WWOX: variants seen among roughly 807,000 people sequenced by gnomAD.
WWOX encodes the protein WW domain containing oxidoreductase.
In WWOX, 69 loss-of-function variants were observed where a neutral mutation model predicts 46.2. The ratio of observed to expected loss-of-function variants is 1.49; its 90% CI spans 1.23 to 1.82. WWOX has a LOEUF of 1.82. Among genes scored for constraint, WWOX ranks in the 40% most tolerant of loss-of-function variants. The pLI, the probability that WWOX is intolerant of heterozygous loss-of-function variation, is 0.00. For synonymous variants in WWOX, 359 were observed against 202.6 expected (o/e 1.77, Z -6.56); for missense variants, 919 against 542.6 (o/e 1.69, Z -6.89).
chr16:78,361,365 A>C (rs1363511503), intron 5 of WWOX, among the ~76,000 whole-genome samples: 1 of 152,142 alleles, frequency 6.6e-6, no homozygotes, highest in Non-Finnish European at 1.5e-5. Flanking sequence ...GAGTTTTTCC[A>C]ATGTAATGTT....
chr16:78,695,664 C>G lies in WWOX; in HGVS notation c.1056+262912C>G, dbSNP rs140506967. Among the ~76,000 whole-genome samples, 610 of 152,218 alleles carry G rather than the reference C, an allele frequency of 4.0e-3. 2 individuals carry two copies. The highest frequency in any genetic ancestry group is 0.014 in the African/African-American group (581 of 41,528). Reference sequence around the variant, plus strand: ...ACAGCTGGAAATAAAACTGTGTATTCCAAATCAGAGGGGCAATGCAGGAAT... The same window carrying G: ...ACAGCTGGAAATAAAACTGTGTATTGCAAATCAGAGGGGCAATGCAGGAAT... On this transcript the variant is annotated intron_variant, in intron 8 of 8. Transcript: ENST00000566780.
intron 8 of WWOX, among the ~76,000 whole-genome samples, chr16:78,862,138 A>G (rs994080544): frequency 7.2e-5 from 11 of 151,804 alleles, no homozygotes; most frequent in African/African-American, 1.2e-4. Flanking sequence ...ATCTATATCT[A>G]TACACACCTA....
intron 8 of WWOX, among the ~76,000 whole-genome samples, chr16:78,894,020 T>TTTATTATTA (rs6145911): frequency 0.061 from 8,481 of 139,922 alleles, 362 homozygotes; most frequent in African/African-American, 0.11. Context: ...TATTGAGGCT[T>TTTATTATTA]TTATTATTAT....
At chr16:79,108,340 C>T (rs547299354) in intron 8 of WWOX, among the ~76,000 whole-genome samples, 1 of 152,222 alleles carries the variant, frequency 6.6e-6, no homozygotes, top group African/African-American at 2.4e-5. Context: ...TTCTAAATAG[C>T]TGAGCTGCGT....
chr16:78,209,342 G>A (rs2036486993), intron 5 of WWOX, among the ~76,000 whole-genome samples: 1 of 152,178 alleles, frequency 6.6e-6, no homozygotes, highest in Admixed American at 6.6e-5. Context: ...TATCCACTTC[G>A]GGAGAGAGAG....
At chr16:78,386,611 A>C (rs1357477180) in intron 5 of WWOX, among the ~76,000 whole-genome samples, 1 of 151,468 alleles carries the variant, frequency 6.6e-6, no homozygotes, top group Non-Finnish European at 1.5e-5. Context: ...CGGCTGAAAC[A>C]CAGCACAACC....
intron 8 of WWOX, among the ~76,000 whole-genome samples, chr16:79,011,738 C>G (rs761514013): frequency 6.4e-4 from 98 of 152,054 alleles, no homozygotes; most frequent in Non-Finnish European, 1.2e-3. Context: ...AGCTATTCAC[C>G]TGCTTTGGCC....
At chr16:78,730,762 G>T (rs145628130) in intron 8 of WWOX, among the ~76,000 whole-genome samples, 1 of 151,744 alleles carries the variant, frequency 6.6e-6, no homozygotes, top group East Asian at 2.0e-4. Flanking sequence ...CCCAGCCTCA[G>T]GAGAAATAAA....
intron 8 of WWOX, among the ~76,000 whole-genome samples, chr16:78,434,708 C>T (rs1389558510): frequency 6.6e-6 from 1 of 152,134 alleles, no homozygotes; most frequent in Non-Finnish European, 1.5e-5. Context: ...CATAAGGTCC[C>T]TAATCAGAGG....
intron 8 of WWOX, among the ~76,000 whole-genome samples, chr16:78,929,160 G>A (rs1337836008): frequency 1.3e-5 from 2 of 152,078 alleles, no homozygotes; most frequent in African/African-American, 4.8e-5. Context: ...ACACGGTTTG[G>A]GGGTGATTTT....
chr16:79,173,136 C>A (rs892199642), intron 8 of WWOX, among the ~76,000 whole-genome samples: 1 of 152,222 alleles, frequency 6.6e-6, no homozygotes, highest in Non-Finnish European at 1.5e-5. Context: ...ACATTTGACA[C>A]ACATGTGTGC....
chr16:78,493,233 C>T (rs1445560258), intron 8 of WWOX, among the ~76,000 whole-genome samples: 2 of 152,156 alleles, frequency 1.3e-5, no homozygotes, highest in Non-Finnish European at 2.9e-5. Context: ...CTGACACTCA[C>T]TCTTTAACCA....
intron 8 of WWOX, among the ~76,000 whole-genome samples, chr16:78,583,085 G>C (rs1407813553): frequency 6.6e-6 from 1 of 152,240 alleles, no homozygotes; most frequent in Non-Finnish European, 1.5e-5. Flanking sequence ...AGCTCTTGAA[G>C]AAGATGGGAG....
intron 8 of WWOX, among the ~76,000 whole-genome samples, chr16:79,174,889 A>G (rs528890645): frequency 6.6e-6 from 1 of 152,344 alleles, no homozygotes; most frequent in East Asian, 1.9e-4. Flanking sequence ...GCCATCTTGC[A>G]TAAATGGTTG....
chr16:78,370,808 A>G (rs1297363386), intron 5 of WWOX, among the ~76,000 whole-genome samples: 1 of 122,736 alleles, frequency 8.1e-6, no homozygotes. Context: ...GGGGCAATGC[A>G]TTCTTAACCC....
intron 5 of WWOX, among the ~76,000 whole-genome samples, chr16:78,322,771 A>C (rs563484712): frequency 1.3e-5 from 2 of 152,244 alleles, no homozygotes; most frequent in Admixed American, 6.5e-5. Flanking sequence ...GTCTTTTGCA[A>C]CTGTTCCACT....
chr16:78,361,771 C>T (rs942510839), intron 5 of WWOX, among the ~76,000 whole-genome samples: 3 of 151,970 alleles, frequency 2.0e-5, no homozygotes, highest in African/African-American at 4.8e-5. Context: ...GCCACCATGC[C>T]CAGCTAATTT....
intron 5 of WWOX, among the ~76,000 whole-genome samples, chr16:78,376,250 A>ATG (rs113925935): frequency 0.098 from 14,932 of 152,248 alleles, 843 homozygotes; most frequent in African/African-American, 0.15. Flanking sequence ...CGCTTAGAGA[A>ATG]TGTAAGTAAA....
chr16:79,060,066 T>C (rs1178704019), intron 8 of WWOX, among the ~76,000 whole-genome samples: 1 of 152,200 alleles, frequency 6.6e-6, no homozygotes, highest in Non-Finnish European at 1.5e-5. Flanking sequence ...TCAAACTGGT[T>C]ATATTTCTGG....
Sources: allele counts gnomAD v4.1 joint callset (sites outside exome capture counted in the v4.1 genomes callset), GRCh38; gene constraint gnomAD v4.1.1; transcripts MANE v1.5; gene names NCBI Gene and HGNC (gene_info 2026-07-23, HGNC 2026-07-21).